The following ANAPC4 variants were observed in gnomAD, a reference collection of about 807,000 sequenced individuals.
ANAPC4 encodes anaphase-promoting complex subunit 4.
Under a neutral mutation model 119.8 loss-of-function variants are expected in ANAPC4, and 63 were observed. The ratio of observed to expected loss-of-function variants is 0.53; its 90% CI spans 0.43 to 0.65. ANAPC4 has a LOEUF of 0.65. Ranked by LOEUF, ANAPC4 falls within the 30% of genes least tolerant of loss-of-function variation. ANAPC4 has a pLI of 0.00. For synonymous variants in ANAPC4, 283 were observed against 318.6 expected, an observed-to-expected ratio of 0.89 and a Z score of 1.19; for missense variants, 716 against 945.1, an observed-to-expected ratio of 0.76 and a Z score of 3.18.
At position 25,394,685 on chromosome 4, in the gene ANAPC4, C is replaced by T. The variant is rs1722539796; in HGVS notation, c.956C>T (p.Thr319Ile). Residue 319 changes from threonine to isoleucine, a missense_variant, in exon 13 of 29, where the codon ACT (threonine) becomes ATT (isoleucine). Transcript: ENST00000315368. ...LWGKASAELQ[T>I]LLMNQLTVKG... ...TTTCATTGTAGTGCTGAACTTCAGA[C>T]TCTCTTGATGAATCAGTTAACAGTA... 6.3e-7 allele frequency: 1 copy of T among 1,599,754 alleles called. No homozygotes were observed. The highest frequency in any genetic ancestry group is 1.3e-5 in the African/African-American group (1 of 74,116).
In ANAPC4 at chr4:25,405,122, T is replaced by C. The variant is rs1450233905; in HGVS notation, c.1271-451T>C. ...GAGAGAGTCAACCACAGATACTAGA[T>C]CAAAGAAAAGTACATAAATATACTG... is the stretch of plus-strand genomic sequence containing the variant. On this transcript the variant is annotated intron_variant, in intron 17 of 28. Transcript: ENST00000315368. The surrounding 1 kb of genome is among the most constrained non-coding windows in gnomAD (Gnocchi z 4.6). Among the ~76,000 whole-genome samples, 1 of 150,134 alleles carries C rather than the reference T, an allele frequency of 6.7e-6. No homozygotes were observed. The highest frequency in any genetic ancestry group is 2.5e-5 in the African/African-American group (1 of 40,666).
chr4:25,383,481 G>A, intron 4 of ANAPC4, 88 bp downstream of exon 4: 1 of 1,235,994 alleles, frequency 8.1e-7, no homozygotes, highest in Middle Eastern at 2.0e-4. Flanking sequence ...AGTATTGGGT[G>A]TATGTGCGTT....
At chr4:25,404,707 T>G (rs1417903204) in intron 17 of ANAPC4, among the ~76,000 whole-genome samples, 1 of 152,168 alleles carries the variant, frequency 6.6e-6, no homozygotes, top group Non-Finnish European at 1.5e-5. Context: ...AGTGGAGATC[T>G]ACTTGTAATC....
At chr4:25,387,293 T>C (rs1722092284) in intron 4 of ANAPC4, among the ~76,000 whole-genome samples, 1 of 152,232 alleles carries the variant, frequency 6.6e-6, no homozygotes, top group Non-Finnish European at 1.5e-5. Flanking sequence ...GCTAATTTTC[T>C]TACCATTAAC....
chr4:25,377,533 G>T lies in ANAPC4; in HGVS notation c.106G>T (p.Ala36Ser). The change falls in exon 2 of 29, where the codon GCT (alanine) becomes TCT (serine). Residue 36 changes from alanine (A) to serine (S), a missense_variant. Coordinates refer to ENST00000315368, the MANE Select transcript of ANAPC4 (RefSeq NM_013367.3). ...LVWSPKRDLI[A>S]LANTAGEVLL... Reference sequence around the variant, plus strand: ...CTGGTCGCCCAAGCGGGATCTCATTGCTTTGGCCAACACAGCTGGCGAGGT... The same window carrying T: ...CTGGTCGCCCAAGCGGGATCTCATTTCTTTGGCCAACACAGCTGGCGAGGT... The T allele has an allele frequency of 6.2e-7, 1 of 1,613,062 alleles. No individual in the cohort carries two copies. Among genetic ancestry groups the T allele is most frequent in the Non-Finnish European group, 8.5e-7 (1 of 1,179,740 alleles).
At chr4:25,414,878 C>T (rs1723775715) in intron 25 of ANAPC4, among the ~76,000 whole-genome samples, 178 bp downstream of exon 25, 1 of 152,026 alleles carries the variant, frequency 6.6e-6, no homozygotes, top group South Asian at 2.1e-4. Context: ...GTTATATGAT[C>T]TTGTTTTAGA....
At chr4:25,410,929 C>T (rs953855944) in intron 21 of ANAPC4, among the ~76,000 whole-genome samples, 22 of 152,110 alleles carry the variant, frequency 1.4e-4, no homozygotes, top group Non-Finnish European at 3.1e-4. Flanking sequence ...CACTTACAGA[C>T]CCAAGCATTT....
chr4:25,380,262 T>G (rs1445291487), intron 2 of ANAPC4, 112 bp from the exon 3 acceptor site: 1 of 600,852 alleles, frequency 1.7e-6, no homozygotes, highest in Non-Finnish European at 2.9e-6. Flanking sequence ...TTCTGATAGC[T>G]AAGTATATAT....
rs1483735522 is a variant in ANAPC4, at chr4:25,390,502, A to T, written c.600+282A>T. ...TGATTTGATGTTTTTCTAGTGTGAG[A>T]TGTAAAAGAGCTTCAATTTGTGATT... On this transcript the variant is annotated intron_variant, in intron 8 of 28. Coordinates refer to ENST00000315368, the MANE Select transcript of ANAPC4 (RefSeq NM_013367.3). Among the ~76,000 whole-genome samples the T allele has an allele frequency of 3.3e-5, 5 of 152,266 alleles. No homozygotes were observed. The East Asian group carries it at 9.6e-4, about 29-fold the overall frequency.
intron 21 of ANAPC4, 44 bp from the exon 22 acceptor site, chr4:25,413,601 C>T: frequency 6.9e-7 from 1 of 1,452,222 alleles, no homozygotes; most frequent in Non-Finnish European, 9.6e-7. Context: ...TATAAGTTTG[C>T]TATAGCTTCT....
intron 10 of ANAPC4, among the ~76,000 whole-genome samples, 172 bp downstream of exon 10, chr4:25,392,593 C>G (rs567765895): frequency 3.4e-4 from 52 of 152,228 alleles, no homozygotes; most frequent in Admixed American, 2.9e-3. Flanking sequence ...AATTGAGAAC[C>G]TACTTTCACC....
intron 10 of ANAPC4, among the ~76,000 whole-genome samples, chr4:25,392,652 C>G (rs1277612331): frequency 6.6e-6 from 1 of 151,830 alleles, no homozygotes; most frequent in Non-Finnish European, 1.5e-5. Flanking sequence ...TAAAATACTC[C>G]CATAAATAAA....
chr4:25,379,348 G>A (rs777187585), intron 2 of ANAPC4, among the ~76,000 whole-genome samples: 1 of 152,196 alleles, frequency 6.6e-6, no homozygotes, highest in Non-Finnish European at 1.5e-5. Flanking sequence ...GGAATGAGGG[G>A]AATGGCCTAG....
At position 25,383,357 on chromosome 4, in the gene ANAPC4, C is replaced by T; in HGVS notation, c.332C>T (p.Ser111Phe). 1 of 1,612,966 alleles carries T rather than the reference C, an allele frequency of 6.2e-7. No individual in the cohort carries two copies. The highest frequency in any genetic ancestry group is 8.5e-7 in the Non-Finnish European group (1 of 1,179,526). ...TCTTTTTCTGTGGAGGCTCCAGTTT[C>T]CTGTATGCATTGGATGGAAGTGACA... is the stretch of plus-strand genomic sequence containing the variant. ...LHSFSVEAPV[S>F]CMHWMEVTVE... Residue 111 changes from serine (S) to phenylalanine (F), a missense_variant, in exon 4 of 29, where the codon TCC (serine) becomes TTC (phenylalanine). Ser to Phe is a radical substitution (Grantham distance 155). Around this residue, in one of 3 missense-constraint regions of ANAPC4, gnomAD observed 202 missense variants for 293.5 expected, o/e 0.69. Coordinates refer to ENST00000315368, the MANE Select transcript of ANAPC4 (RefSeq NM_013367.3).
At position 25,407,269 on chromosome 4, in the gene ANAPC4, T is replaced by G. The variant is rs1723305379; in HGVS notation, c.1431+16T>G. On this transcript the variant is annotated intron_variant, in intron 20 of 28. Coordinates refer to ENST00000315368, the MANE Select transcript of ANAPC4 (RefSeq NM_013367.3). ...AGTTGGTCAGGTATGGGCTTTGAAC[T>G]CATTTTAAAACCTTAGCAGTGTTCA... 6.3e-7 allele frequency: 1 copy of G among 1,590,334 alleles called. No homozygotes were observed. The highest frequency in any genetic ancestry group is 1.4e-5 in the African/African-American group (1 of 73,278).
intron 21 of ANAPC4, among the ~76,000 whole-genome samples, chr4:25,410,841 G>A (rs144518744): frequency 5.3e-5 from 8 of 152,118 alleles, no homozygotes; most frequent in South Asian, 2.1e-4. Context: ...AATGAATTTC[G>A]TGTTTAGACT....
At position 25,406,846 on chromosome 4, in the gene ANAPC4, C is replaced by G. The variant is rs766746362; in HGVS notation, c.1335C>G (p.Ile445Met). ...PELNKMTQKDITFVAEFLTEH... is the reference protein window; with the variant it reads ...PELNKMTQKDMTFVAEFLTEH... ...GTTGATAGATGACTCAGAAAGATAT[C>G]ACATTTGTTGCTGAATTTCTTACTG... Residue 445 changes from isoleucine (I) to methionine (M), a missense_variant, in exon 19 of 29, where the codon ATC (isoleucine) becomes ATG (methionine). Transcript: ENST00000315368. 1.2e-6 allele frequency: 2 copies of G among 1,603,218 alleles called. No individual in the cohort carries two copies. Among genetic ancestry groups the G allele is most frequent in the Non-Finnish European group, 1.7e-6 (2 of 1,175,906 alleles).
At chr4:25,400,668 T>C (rs1219470019) in intron 16 of ANAPC4, among the ~76,000 whole-genome samples, 2 of 152,104 alleles carry the variant, frequency 1.3e-5, no homozygotes, top group Admixed American at 6.5e-5. Flanking sequence ...TTTACCAGAC[T>C]TCATGAGTAA....
At chr4:25,399,121 A>G (rs966168816) in intron 16 of ANAPC4, among the ~76,000 whole-genome samples, 1 of 151,996 alleles carries the variant, frequency 6.6e-6, no homozygotes, top group African/African-American at 2.4e-5. Context: ...TTTCTGAAAC[A>G]TGTGAGAGTA....
Sources: gnomAD v4.1 joint callset for allele counts (sites outside exome capture counted in the v4.1 genomes callset) on GRCh38, gnomAD v4.1.1 for gene constraint, gnomAD v4.1.1 regional missense constraint, Gnocchi (gnomAD v3.1) non-coding constraint, MANE v1.5 for transcripts, NCBI Gene and HGNC (gene_info 2026-07-23, HGNC 2026-07-21) for gene names.